SNX31: variants seen among roughly 807,000 people sequenced by gnomAD.
SNX31 encodes sorting nexin-31.
SNX31 carries 58 observed loss-of-function variants against 65.4 expected under a neutral mutation model. The ratio of observed to expected loss-of-function variants is 0.89; its 90% CI spans 0.72 to 1.10. The LOEUF (loss-of-function observed/expected upper bound fraction) is 1.10. Among genes scored for constraint, SNX31 ranks in the 50% least tolerant of loss-of-function variants. SNX31 has a pLI of 0.00. For synonymous variants in SNX31, 181 were observed against 190.1 expected, an observed-to-expected ratio of 0.95 and a Z score of 0.39; for missense variants, 523 against 529.7, an observed-to-expected ratio of 0.99 and a Z score of 0.12.
intron 4 of SNX31, among the ~76,000 whole-genome samples, chr8:100,624,737 G>A (rs1478795774): frequency 6.6e-6 from 1 of 151,998 alleles, no homozygotes; most frequent in African/African-American, 2.4e-5. Flanking sequence ...AAACCAGCTG[G>A]GGGGAAAAGT....
At position 100,589,059 on chromosome 8, in the gene SNX31, TC is replaced by T. The variant is rs765221514; in HGVS notation, c.979-81del. On this transcript the variant is annotated intron_variant, in intron 10 of 13. Transcript: ENST00000311812. ...CGGGCACGGTGGCTCACACCTGAAA[TC>T]CCAGCTGAGGCGGGCAGATCGCCTG... is the stretch of plus-strand genomic sequence containing the variant. 2.1e-5 allele frequency: 24 copies of T among 1,119,472 alleles called. No homozygotes were observed. In the South Asian group the frequency reaches 3.1e-4, roughly 15 times the overall value. The allele number at this position is 1,119,472 out of a possible 1,614,324, so 69.3% of individuals were successfully genotyped here.
At chr8:100,642,516 C>A (rs528446516) in intron 2 of SNX31, among the ~76,000 whole-genome samples, 1 of 152,322 alleles carries the variant, frequency 6.6e-6, no homozygotes, top group South Asian at 2.1e-4. Flanking sequence ...GAGCAGAAAC[C>A]TTCCCAGCAG....
At chr8:100,636,564 A>C (rs997582161) in intron 2 of SNX31, among the ~76,000 whole-genome samples, 4 of 152,224 alleles carry the variant, frequency 2.6e-5, no homozygotes, top group Admixed American at 1.3e-4. Flanking sequence ...TCTCGCTGAT[A>C]ATTTTTTATA....
At chr8:100,601,447 T>C (rs1252685126) in intron 8 of SNX31, among the ~76,000 whole-genome samples, 2 of 152,176 alleles carry the variant, frequency 1.3e-5, no homozygotes, top group Non-Finnish European at 2.9e-5. Context: ...AACCCTCATA[T>C]GGATACTTAC....
intron 8 of SNX31, 28 bp from the exon 9 acceptor site, chr8:100,600,469 G>A: frequency 6.4e-7 from 1 of 1,568,434 alleles, no homozygotes; most frequent in African/African-American, 1.4e-5. Context: ...TGTAAAATTA[G>A]CAGTCTTAGC....
At chr8:100,580,921 G>A (rs1379406512) in intron 12 of SNX31, among the ~76,000 whole-genome samples, 1 of 152,052 alleles carries the variant, frequency 6.6e-6, no homozygotes. Flanking sequence ...AAATATTAAG[G>A]AAATTGATTC....
rs1480530647 is a variant in SNX31, at chr8:100,588,911, G to A, written c.1047C>T (p.Tyr349=). 2 of 1,614,040 alleles carry A rather than the reference G, an allele frequency of 1.2e-6. No individual in the cohort carries two copies. Among genetic ancestry groups the A allele is most frequent in the Admixed American group, 1.7e-5 (1 of 59,998 alleles). The part of the protein sequence containing the change: ...LNQNLELRFQ[Y]SEDSCWQWFV... ...ACCACTGCCAGCAACTATCCTCACT[G>A]TATTGAAATCTGAGCTCTAAGTTCT... is the stretch of plus-strand genomic sequence containing the variant. Residue 349 remains tyrosine (Y), a synonymous_variant, in exon 11 of 14, where the codon TAC becomes TAT. Transcript: ENST00000311812. This position sits in a 1 kb window ranked among gnomAD's most constrained non-coding sequence, Gnocchi z 4.8.
Position 100,610,896 on chromosome 8 carries a change from A to C in SNX31, c.611+1104T>G, listed in dbSNP as rs1816652073. ...ACCTTTCTTTAAAACTTCTGTACTCAGATAACAGAATAAATGGGCTGGGAG... is the reference window on the plus strand; with the variant it reads ...ACCTTTCTTTAAAACTTCTGTACTCCGATAACAGAATAAATGGGCTGGGAG... On this transcript the variant is annotated intron_variant, in intron 7 of 13. Coordinates refer to ENST00000311812, the MANE Select transcript of SNX31 (RefSeq NM_152628.4). This position sits in a 1 kb window ranked among gnomAD's most constrained non-coding sequence, Gnocchi z 4.0. Among the ~76,000 whole-genome samples the C allele has an allele frequency of 1.3e-5, 2 of 152,242 alleles. No homozygotes were observed. The highest frequency in any genetic ancestry group is 6.5e-5 in the Admixed American group (1 of 15,282).
In SNX31 at chr8:100,584,204, A is replaced by C. The variant is rs763687395; in HGVS notation, c.1093-16T>G. The C allele has an allele frequency of 3.2e-6, 5 of 1,585,614 alleles. No homozygotes were observed. The highest frequency in any genetic ancestry group is 4.3e-6 in the Non-Finnish European group (5 of 1,168,378). On this transcript the variant is annotated splice_polypyrimidine_tract_variant and intron_variant, in intron 11 of 13. Coordinates refer to ENST00000311812, the MANE Select transcript of SNX31 (RefSeq NM_152628.4). The stretch of plus-strand genomic sequence containing the variant: ...GCAAAAAAGCCTAAGAAATGCAGGA[A>C]TAAAGAACTCTTGTAACCGAAGAAA...
intron 1 of SNX31, among the ~76,000 whole-genome samples, chr8:100,662,739 C>A (rs1251147983): frequency 6.6e-6 from 1 of 152,102 alleles, no homozygotes; most frequent in Non-Finnish European, 1.5e-5. Context: ...CCTTTCTCAT[C>A]TAAACTGTCC....
At position 100,625,065 on chromosome 8, in the gene SNX31, C is replaced by A. The variant is rs563327273; in HGVS notation, c.321+5262G>T. 3.9e-5 allele frequency among the ~76,000 whole-genome samples: 6 copies of A among 152,126 alleles called. No individual in the cohort carries two copies. Among genetic ancestry groups the A allele is most frequent in the Admixed American group, 1.3e-4 (2 of 15,260 alleles). The stretch of plus-strand genomic sequence containing the variant: ...GCCTCAAGTAATTCTCCCACCTCAG[C>A]CCCCCAAAGTTCTGGGATTACAGGT... On this transcript the variant is annotated intron_variant, in intron 4 of 13. Transcript: ENST00000311812. This position sits in a 1 kb window ranked among gnomAD's most constrained non-coding sequence, Gnocchi z 4.2.
chr8:100,621,477 A>G (rs377645676), intron 4 of SNX31, among the ~76,000 whole-genome samples: 2 of 152,340 alleles, frequency 1.3e-5, no homozygotes, highest in South Asian at 2.1e-4. Context: ...AGTCTTTTCA[A>G]CACTCATATC....
Position 100,610,132 on chromosome 8 carries a change from C to T in SNX31, c.612-1569G>A, listed in dbSNP as rs149660492. On this transcript the variant is annotated intron_variant, in intron 7 of 13. Transcript: ENST00000311812. The surrounding 1 kb of genome is among the most constrained non-coding windows in gnomAD (Gnocchi z 4.0). Reference sequence around the variant, plus strand: ...CAATAGAAGTGGAACCTCCTTTCTTCCCAGTTCCCATCAACAGAGGCAATC... The same window carrying T: ...CAATAGAAGTGGAACCTCCTTTCTTTCCAGTTCCCATCAACAGAGGCAATC... Among the ~76,000 whole-genome samples the T allele has an allele frequency of 2.3e-3, 357 of 152,342 alleles. 7 individuals carry two copies. Among genetic ancestry groups the T allele is most frequent in the Admixed American group, 0.021 (316 of 15,296 alleles).
At chr8:100,643,559 C>G (rs1250814813) in intron 2 of SNX31, among the ~76,000 whole-genome samples, 3 of 152,164 alleles carry the variant, frequency 2.0e-5, no homozygotes, top group Non-Finnish European at 4.4e-5. Context: ...CATATTATCC[C>G]ATTTGTTCCT....
intron 4 of SNX31, among the ~76,000 whole-genome samples, chr8:100,624,543 T>C (rs1233113894): frequency 6.6e-6 from 1 of 152,154 alleles, no homozygotes; most frequent in South Asian, 2.1e-4. Context: ...AGCAATATAA[T>C]AAAGAGGAGA....
chr8:100,654,050 G>T (rs1287531465), upstream of SNX31, among the ~76,000 whole-genome samples: 1 of 152,200 alleles, frequency 6.6e-6, no homozygotes, highest in Non-Finnish European at 1.5e-5. Context: ...CTGTTGCCCA[G>T]GTTGGAGTGG....
intron 2 of SNX31, among the ~76,000 whole-genome samples, chr8:100,645,418 C>T (rs1459362439): frequency 6.6e-6 from 1 of 152,086 alleles, no homozygotes; most frequent in African/African-American, 2.4e-5. Flanking sequence ...GAGAGGTCAC[C>T]CAAACTTTCA....
At chr8:100,603,302 T>G (rs1270545608) in intron 8 of SNX31, among the ~76,000 whole-genome samples, 2 of 152,194 alleles carry the variant, frequency 1.3e-5, no homozygotes, top group Non-Finnish European at 2.9e-5. Context: ...GGGATGGCTG[T>G]GTAAGGATAA....
At chr8:100,656,572 C>T (rs769543103) in intron 1 of SNX31, among the ~76,000 whole-genome samples, 5 of 124,556 alleles carry the variant, frequency 4.0e-5, no homozygotes, top group African/African-American at 9.2e-5. Context: ...ACCTGGGAGG[C>T]GGAGGTTGCA....
Sources: allele counts gnomAD v4.1 joint callset (sites outside exome capture counted in the v4.1 genomes callset), GRCh38; gene constraint gnomAD v4.1.1; non-coding constraint Gnocchi (gnomAD v3.1); transcripts MANE v1.5; gene names NCBI Gene and HGNC (gene_info 2026-07-23, HGNC 2026-07-21).